Variants in L3MBTL4 observed in about 807,000 individuals in gnomAD.
L3MBTL4 encodes the protein lethal(3)malignant brain tumor-like protein 4.
Under a neutral mutation model 84.5 loss-of-function variants are expected in L3MBTL4, and 70 were observed. The ratio of observed to expected loss-of-function variants is 0.83; its 90% CI spans 0.68 to 1.01. The LOEUF (loss-of-function observed/expected upper bound fraction) is 1.01. Ranked by LOEUF, L3MBTL4 falls within the 50% of genes least tolerant of loss-of-function variation. L3MBTL4 has a pLI of 0.00. For missense variants in L3MBTL4, 715 were observed against 754.8 expected, an observed-to-expected ratio of 0.95 and a Z score of 0.62; for synonymous variants, 274 against 259.8, an observed-to-expected ratio of 1.05 and a Z score of -0.52.
chr18:5,992,101 T>C (rs942719210), intron 16 of L3MBTL4, among the ~76,000 whole-genome samples: 1 of 152,186 alleles, frequency 6.6e-6, no homozygotes, highest in African/African-American at 2.4e-5. Flanking sequence ...CATGAACTCA[T>C]GGTCCAGCAG....
At chr18:6,386,177 T>C (rs887958568) in intron 1 of L3MBTL4, among the ~76,000 whole-genome samples, 1 of 152,174 alleles carries the variant, frequency 6.6e-6, no homozygotes, top group African/African-American at 2.4e-5. Flanking sequence ...GAGGTTTCAC[T>C]GCATTTGAGT....
chr18:6,067,542 A>G (rs2057441894), intron 16 of L3MBTL4, among the ~76,000 whole-genome samples: 1 of 151,988 alleles, frequency 6.6e-6, no homozygotes, highest in Middle Eastern at 3.2e-3. Flanking sequence ...CTAGAGCCTG[A>G]TCTTTGAGCT....
chr18:5,956,101 A>T lies in L3MBTL4; in HGVS notation c.*119T>A. 3 of 868,714 alleles carry T rather than the reference A, an allele frequency of 3.5e-6. No homozygotes were observed. The highest frequency in any genetic ancestry group is 5.5e-6 in the Non-Finnish European group (3 of 550,134). 53.8% of individuals were successfully genotyped at this position (868,714 alleles called of 1,614,324 possible). On this transcript the variant is annotated 3_prime_UTR_variant, in exon 19 of 19. Transcript: ENST00000317931. Reference sequence around the variant, plus strand: ...CATGTAAACAAATCACAGACACTTTAAAAAGTCCAGATTCAGTGTGGATAC... The same window carrying T: ...CATGTAAACAAATCACAGACACTTTTAAAAGTCCAGATTCAGTGTGGATAC...
At chr18:6,355,759 C>T (rs1055757964) in intron 1 of L3MBTL4, among the ~76,000 whole-genome samples, 7 of 151,926 alleles carry the variant, frequency 4.6e-5, no homozygotes, top group African/African-American at 7.3e-5. Context: ...ACATGATTTA[C>T]GAGTAAACAG....
chr18:6,302,356 G>A (rs2050380019), intron 3 of L3MBTL4, among the ~76,000 whole-genome samples: 1 of 152,170 alleles, frequency 6.6e-6, no homozygotes, highest in African/African-American at 2.4e-5. Context: ...GTCTACTACA[G>A]TTTGTAAGTA....
chr18:6,396,543 A>C (rs1475035487), intron 1 of L3MBTL4: 1 of 152,298 alleles, frequency 6.6e-6, no homozygotes, highest in Non-Finnish European at 1.5e-5. Context: ...TGCAGGCTCC[A>C]GCAGCTAGTA....
intron 16 of L3MBTL4, among the ~76,000 whole-genome samples, chr18:6,038,249 ATC>A (rs1170978520): frequency 4.5e-5 from 4 of 88,524 alleles, no homozygotes; most frequent in Non-Finnish European, 6.5e-5. Context: ...CCATTTCTGG[ATC>A]TTTTTTTTTT....
At chr18:6,364,678 C>T (rs1475545325) in intron 1 of L3MBTL4, among the ~76,000 whole-genome samples, 7 of 151,904 alleles carry the variant, frequency 4.6e-5, no homozygotes, top group East Asian at 1.9e-4. Context: ...TACACATAAG[C>T]GTAATCAAAA....
intron 12 of L3MBTL4, among the ~76,000 whole-genome samples, chr18:6,196,157 C>CTTTTTTTTTTTTTTTTT (rs71370547): frequency 7.7e-6 from 1 of 130,222 alleles, no homozygotes; most frequent in African/African-American, 3.3e-5. Context: ...TAGAGTTCCT[C>CTTTTTTTTTTTTTTTTT]TTTTTTTTTT....
chr18:5,962,238 C>T (rs551584951), intron 17 of L3MBTL4, among the ~76,000 whole-genome samples: 1 of 152,218 alleles, frequency 6.6e-6, no homozygotes, highest in East Asian at 1.9e-4. Flanking sequence ...GGTGGGACTT[C>T]AGGAAGGTCA....
At chr18:6,374,445 G>T (rs1218529979) in intron 1 of L3MBTL4, 1 of 154,770 alleles carries the variant, frequency 6.5e-6, no homozygotes, top group African/African-American at 2.4e-5. Flanking sequence ...GCAACATTGA[G>T]GTCTACTTCA....
In L3MBTL4 at chr18:6,162,111, T is replaced by C. The variant is rs549626214; in HGVS notation, c.1096+9717A>G. 1.6e-4 allele frequency among the ~76,000 whole-genome samples: 24 copies of C among 152,162 alleles called. No homozygotes were observed. In the South Asian group the frequency reaches 4.6e-3, roughly 29 times the overall value. On this transcript the variant is annotated intron_variant, in intron 13 of 18. Coordinates refer to ENST00000317931, the MANE Select transcript of L3MBTL4 (RefSeq NM_001330559.2). ...GAGAATAATAGATTAAAAAACTCTC[T>C]ACCTCATATTTTCTTTTGATCATTC...
rs770656875 is a variant in L3MBTL4, at chr18:6,375,803, AAAG to A, written c.-91+38995_-91+38997del. 7.9e-4 allele frequency among the ~76,000 whole-genome samples: 120 copies of A among 152,278 alleles called. 4 individuals are homozygous for A. The East Asian group carries it at 0.022, about 28-fold the overall frequency. ...AGAACAGACATGGGCAATAATAAAG[AAAG>A]AAGGGCCTGGCCTGGATGTCAAATC... On this transcript the variant is annotated intron_variant, in intron 1 of 18. Coordinates refer to ENST00000317931, the MANE Select transcript of L3MBTL4 (RefSeq NM_001330559.2).
chr18:6,175,109 A>G (rs147039823), intron 12 of L3MBTL4, among the ~76,000 whole-genome samples: 1 of 152,236 alleles, frequency 6.6e-6, no homozygotes, highest in African/African-American at 2.4e-5. Context: ...TAATAAATAC[A>G]AAGGAAATGA....
intron 16 of L3MBTL4, among the ~76,000 whole-genome samples, chr18:5,991,808 A>C (rs2053712425): frequency 1.3e-5 from 2 of 152,092 alleles, no homozygotes; most frequent in Admixed American, 1.3e-4. Flanking sequence ...AGGTCATCTG[A>C]AAAAAATCAA....
intron 12 of L3MBTL4, among the ~76,000 whole-genome samples, chr18:6,172,718 AAAT>A (rs2044036313): frequency 6.6e-6 from 1 of 152,184 alleles, no homozygotes; most frequent in African/African-American, 2.4e-5. Context: ...AACAAAAATC[AAAT>A]AATTATTTCT....
At chr18:6,275,307 G>A (rs2049035400) in intron 4 of L3MBTL4, among the ~76,000 whole-genome samples, 1 of 152,180 alleles carries the variant, frequency 6.6e-6, no homozygotes, top group South Asian at 2.1e-4. Context: ...ATGCTTTCAA[G>A]TAGAGAACTT....
intron 16 of L3MBTL4, among the ~76,000 whole-genome samples, chr18:6,049,361 T>C (rs1315572784): frequency 6.6e-6 from 1 of 152,220 alleles, no homozygotes; most frequent in Non-Finnish European, 1.5e-5. Context: ...AAAGGTTTAA[T>C]GTCCAGAATC....
Position 6,215,795 on chromosome 18 carries a change from C to T in L3MBTL4, c.825G>A (p.Leu275=), listed in dbSNP as rs150689924. The change falls in exon 11 of 19, where the codon CTG becomes CTA. Residue 275 remains leucine (L), a synonymous_variant. Transcript: ENST00000317931. ...GAACTGCATTGGTTTGAGTAGCTTCCAGGTATTCTGTCCAGGAAAAATTTT... is the reference window on the plus strand; with the variant it reads ...GAACTGCATTGGTTTGAGTAGCTTCTAGGTATTCTGTCCAGGAAAAATTTT... The part of the protein sequence containing the change: ...NPENFSWTEY[L]EATQTNAVPA... 3.7e-6 allele frequency: 6 copies of T among 1,607,910 alleles called. No homozygotes were observed. In the African/African-American group the frequency reaches 6.7e-5, roughly 18 times the overall value.
Sources: allele counts gnomAD v4.1 joint callset (sites outside exome capture counted in the v4.1 genomes callset), GRCh38; gene constraint gnomAD v4.1.1; transcripts MANE v1.5; gene names NCBI Gene and HGNC (gene_info 2026-07-23, HGNC 2026-07-21).